The following PRDM2 variants were observed in gnomAD, a reference collection of about 807,000 sequenced individuals.
The protein encoded by PRDM2 is PR domain zinc finger protein 2.
PRDM2 carries 30 observed loss-of-function variants against 130.0 expected under a neutral mutation model. The observed-to-expected ratio is 0.23, with a 90% CI of 0.17 to 0.31. The LOEUF (loss-of-function observed/expected upper bound fraction) is 0.31. Ranked by LOEUF, PRDM2 falls within the 10% of genes least tolerant of loss-of-function variation. PRDM2 has a pLI of 1.00. For synonymous variants in PRDM2, 871 were observed against 782.4 expected (o/e 1.11, Z -1.89); for missense variants, 2,011 against 2,108.4 (o/e 0.95, Z 0.90).
intron 2 of PRDM2, among the ~76,000 whole-genome samples, chr1:13,726,362 G>A (rs1365713646): frequency 1.3e-5 from 2 of 152,176 alleles, no homozygotes; most frequent in Admixed American, 6.5e-5. Flanking sequence ...GCCCTTCAGA[G>A]GCTCCCCAGC....
At chr1:13,749,539 A>G in intron 6 of PRDM2, 52 bp downstream of exon 6, 1 of 1,145,908 alleles carries the variant, frequency 8.7e-7, no homozygotes. Context: ...CCCGCCCAGG[A>G]CGCCGCCCTG....
chr1:13,764,607 A>G (rs917332832), intron 6 of PRDM2, among the ~76,000 whole-genome samples: 4 of 152,242 alleles, frequency 2.6e-5, no homozygotes, highest in African/African-American at 9.6e-5. Flanking sequence ...CTCCCTTCCG[A>G]TGGATCTTTG....
chr1:13,787,403 A>C, intron 8 of PRDM2: 1 of 984,414 alleles, frequency 1.0e-6, no homozygotes, highest in Non-Finnish European at 1.2e-6. Context: ...TTATCCTTAC[A>C]TTTTATGCCT....
chr1:13,774,967 C>CAA (rs35869788), intron 7 of PRDM2, among the ~76,000 whole-genome samples: 69 of 99,460 alleles, frequency 6.9e-4, no homozygotes, highest in Non-Finnish European at 9.4e-4. Context: ...GACTCCGTCT[C>CAA]AAAAAAAAAA....
In PRDM2 at chr1:13,779,479, A is replaced by C; in HGVS notation, c.1684A>C (p.Ile562Leu). Residue 562 changes from isoleucine (I) to leucine (L), a missense_variant, in exon 8 of 10, where the codon ATC (isoleucine) becomes CTC (leucine). By Grantham distance (5) the Ile-to-Leu change is conservative (BLOSUM62 2). This residue lies in a region of PRDM2 where 1,288 missense variants were observed against 1,237.7 expected (regional missense o/e 1.04). Coordinates refer to ENST00000311066, the MANE Select transcript of PRDM2 (RefSeq NM_001393986.1). The surrounding 1 kb of genome is among the most constrained non-coding windows in gnomAD (Gnocchi z 4.9). The stretch of plus-strand genomic sequence containing the variant: ...GTACATCATGGACATTTCTAGCAAT[A>C]TCTCTGAAAACTTAAATTACTATAT... The part of the protein sequence containing the change: ...DVYIMDISSN[I>L]SENLNYYIDG... 1 of 1,614,154 alleles carries C rather than the reference A, an allele frequency of 6.2e-7. No homozygotes were observed. The highest frequency in any genetic ancestry group is 8.5e-7 in the Non-Finnish European group (1 of 1,179,970).
intron 6 of PRDM2, among the ~76,000 whole-genome samples, chr1:13,756,677 T>G (rs1464451850): frequency 6.6e-6 from 1 of 152,240 alleles, no homozygotes; most frequent in East Asian, 1.9e-4. Flanking sequence ...GATGAATTCA[T>G]TTATTACAAT....
intron 8 of PRDM2, among the ~76,000 whole-genome samples, chr1:13,795,597 C>T (rs1644910540): frequency 1.3e-5 from 2 of 152,228 alleles, no homozygotes; most frequent in African/African-American, 2.4e-5. Context: ...ACAAGAAGCA[C>T]CAGCAGATTT....
At chr1:13,792,284 G>T (rs1203643) in intron 8 of PRDM2, among the ~76,000 whole-genome samples, 54,176 of 152,122 alleles carry the variant, frequency 0.36, 10,182 homozygotes, top group Admixed American at 0.5. Flanking sequence ...TGGAATTTGT[G>T]GCACAGGTAA....
intron 2 of PRDM2, among the ~76,000 whole-genome samples, chr1:13,723,696 T>C (rs1642809595): frequency 6.6e-6 from 1 of 152,240 alleles, no homozygotes; most frequent in African/African-American, 2.4e-5. Context: ...GGCTTTGTTT[T>C]CGGCTGTTCT....
chr1:13,732,797 C>T lies in PRDM2; in HGVS notation c.146C>T (p.Pro49Leu). ...TTTCTAGGTGTCTGGGCCACTAAAC[C>T]AATTTTAAAAGGCAAAAAATTTGGG... ...KTRIGVWATKPILKGKKFGPF... is the reference protein window; with the variant it reads ...KTRIGVWATKLILKGKKFGPF... Residue 49 changes from proline to leucine, a missense_variant, in exon 4 of 10, where the codon CCA (proline) becomes CTA (leucine). Pro to Leu is a moderately conservative substitution (Grantham distance 98, BLOSUM62 -3). Around this residue, in one of 5 missense-constraint regions of PRDM2, gnomAD observed 79 missense variants for 93.6 expected, o/e 0.84. Transcript: ENST00000311066. The T allele has an allele frequency of 6.2e-7, 1 of 1,603,268 alleles. No homozygotes were observed.
chr1:13,822,427 G>A (rs1255594308), intron 9 of PRDM2, among the ~76,000 whole-genome samples: 7 of 141,062 alleles, frequency 5.0e-5, no homozygotes, highest in Non-Finnish European at 9.1e-5. Context: ...ACAGAGTCTC[G>A]CTCTGTCTCC....
At chr1:13,774,719 G>A (rs1644433869) in intron 7 of PRDM2, among the ~76,000 whole-genome samples, 1 of 152,172 alleles carries the variant, frequency 6.6e-6, no homozygotes, top group Non-Finnish European at 1.5e-5. Flanking sequence ...GCTCACGCCT[G>A]TAATCCCAGC....
chr1:13,722,962 C>T, intron 2 of PRDM2: 2 of 427,088 alleles, frequency 4.7e-6, no homozygotes, highest in Non-Finnish European at 9.4e-6. Flanking sequence ...CCTGCCCAAA[C>T]CCTCTTGTGT....
At chr1:13,807,240 AACTTG>A (rs1347440888) in intron 8 of PRDM2, among the ~76,000 whole-genome samples, 2 of 152,182 alleles carry the variant, frequency 1.3e-5, no homozygotes, top group African/African-American at 4.8e-5. Context: ...ATATGTAGAG[AACTTG>A]ACTTGTTTTA....
chr1:13,807,025 C>T (rs1553164932), intron 8 of PRDM2, among the ~76,000 whole-genome samples: 3 of 152,210 alleles, frequency 2.0e-5, no homozygotes. Context: ...CTGACCTTCA[C>T]TCCTGTTTCT....
chr1:13,709,241 AG>A (rs1478324173), intron 1 of PRDM2, among the ~76,000 whole-genome samples: 2 of 152,136 alleles, frequency 1.3e-5, no homozygotes, highest in East Asian at 3.8e-4. Flanking sequence ...AATAGATTCA[AG>A]GAACAAATTA....
chr1:13,798,426 A>G (rs1644955756), intron 8 of PRDM2, among the ~76,000 whole-genome samples: 2 of 152,340 alleles, frequency 1.3e-5, no homozygotes, highest in South Asian at 4.1e-4. Flanking sequence ...CTCTGGGGAT[A>G]GTCCTTAAGG....
intron 8 of PRDM2, among the ~76,000 whole-genome samples, chr1:13,791,196 A>T (rs1042163247): frequency 6.6e-6 from 1 of 152,110 alleles, no homozygotes; most frequent in Non-Finnish European, 1.5e-5. Context: ...TTTTCCAAGC[A>T]TTAGTGAACA....
chr1:13,708,697 CTT>C lies in PRDM2; in HGVS notation c.-65-6843_-65-6842del, dbSNP rs571337599. The stretch of plus-strand genomic sequence containing the variant: ...TTGTGAACATTCTATTCTTGTATCT[CTT>C]ATATATTTGTAGGTAGGGAAATTGC... On this transcript the variant is annotated intron_variant, in intron 1 of 9. Coordinates refer to ENST00000311066, the MANE Select transcript of PRDM2 (RefSeq NM_001393986.1). Among the ~76,000 whole-genome samples the C allele has an allele frequency of 9.9e-5, 15 of 152,228 alleles. No individual in the cohort carries two copies. In the East Asian group the frequency reaches 1.4e-3, roughly 14 times the overall value.
Sources: allele counts gnomAD v4.1 joint callset (sites outside exome capture counted in the v4.1 genomes callset), GRCh38; gene constraint gnomAD v4.1.1; regional missense constraint gnomAD v4.1.1; non-coding constraint Gnocchi (gnomAD v3.1); transcripts MANE v1.5; gene names NCBI Gene and HGNC (gene_info 2026-07-23, HGNC 2026-07-21).